The following ULK2 variants were observed in gnomAD, a reference collection of about 807,000 sequenced individuals.
The protein encoded by ULK2 is unc-51 like autophagy activating kinase 2.
In ULK2, 76 loss-of-function variants were observed where a neutral mutation model predicts 127.5. The ratio of observed to expected loss-of-function variants is 0.60; its 90% CI spans 0.50 to 0.72. The LOEUF (loss-of-function observed/expected upper bound fraction) is 0.72, where lower values mean the gene tolerates loss of function less well. Ranked by LOEUF, ULK2 falls within the 30% of genes least tolerant of loss-of-function variation. The pLI is 0.00. For synonymous variants in ULK2, 452 were observed against 461.9 expected (o/e 0.98, Z 0.28); for missense variants, 1,144 against 1,295.9 (o/e 0.88, Z 1.80).
intron 20 of ULK2, among the ~76,000 whole-genome samples, chr17:19,793,837 C>T (rs1323444928): frequency 1.3e-5 from 2 of 152,284 alleles, no homozygotes; most frequent in African/African-American, 4.8e-5. Context: ...GGCAAAAGTA[C>T]AGTTTGAAAA....
At chr17:19,850,593 G>C (rs940003914) in intron 3 of ULK2, among the ~76,000 whole-genome samples, 18 of 152,034 alleles carry the variant, frequency 1.2e-4, no homozygotes, top group Non-Finnish European at 2.6e-4. Context: ...TTGGGAGGCC[G>C]AGGCAGGCGG....
intron 13 of ULK2, among the ~76,000 whole-genome samples, chr17:19,815,005 T>A (rs1383755596): frequency 6.6e-6 from 1 of 152,154 alleles, no homozygotes; most frequent in South Asian, 2.1e-4. Context: ...AATGCAAAAA[T>A]CTAAAATCTG....
intron 3 of ULK2, among the ~76,000 whole-genome samples, chr17:19,851,800 C>G (rs2042021933): frequency 6.6e-6 from 1 of 151,718 alleles, no homozygotes; most frequent in Non-Finnish European, 1.5e-5. Context: ...CAAGGCGGGT[C>G]GGATTACAAC....
intron 5 of ULK2, 89 bp from the exon 6 acceptor site, chr17:19,846,999 G>A: frequency 2.4e-6 from 3 of 1,238,248 alleles, no homozygotes; most frequent in Non-Finnish European, 3.3e-6. Flanking sequence ...TTGTGAAGGA[G>A]AGCATGAAGG....
chr17:19,804,247 A>AC (rs398119747), intron 15 of ULK2, among the ~76,000 whole-genome samples: 12 of 151,388 alleles, frequency 7.9e-5, no homozygotes, highest in African/African-American at 2.9e-4. Flanking sequence ...AAAAAAAAAA[A>AC]GAATAATCTA....
rs1331434851 is a variant in ULK2 at position 19,852,759 on chromosome 17, T to C, written c.226-2985A>G. Among the ~76,000 whole-genome samples the C allele has an allele frequency of 4.6e-5, 7 of 150,548 alleles. No homozygotes were observed. The East Asian group carries it at 1.4e-3, about 31-fold the overall frequency. ...CATTCTCCTGCCTCAGTCTCCCGAG[T>C]AGCTGGGACTACAGGCACCCGCCAC... On this transcript the variant is annotated intron_variant, in intron 3 of 26. Coordinates refer to ENST00000395544, the MANE Select transcript of ULK2 (RefSeq NM_014683.4).
chr17:19,816,849 T>A lies in ULK2; in HGVS notation c.996A>T (p.Leu332=). The A allele has an allele frequency of 6.2e-7, 1 of 1,612,790 alleles. No individual in the cohort carries two copies. Among genetic ancestry groups the A allele is most frequent in the Non-Finnish European group, 8.5e-7 (1 of 1,179,588 alleles). The part of the protein sequence containing the change: ...SSPPLGPPNY[L]QVSKDSASTS... ...TACTGGCAGAATCTTTGGAAACTTGTAGATAGTTGGGAGGACCCAATGGTG... is the reference window on the plus strand; with the variant it reads ...TACTGGCAGAATCTTTGGAAACTTGAAGATAGTTGGGAGGACCCAATGGTG... The change falls in exon 13 of 27, where the codon CTA becomes CTT. Residue 332 remains leucine, a synonymous_variant. Coordinates refer to ENST00000395544, the MANE Select transcript of ULK2 (RefSeq NM_014683.4).
At chr17:19,776,498 T>C in intron 26 of ULK2, 91 bp from the exon 27 acceptor site, 6 of 1,149,404 alleles carry the variant, frequency 5.2e-6, no homozygotes, top group Non-Finnish European at 7.3e-6. Context: ...TTAACAGTTC[T>C]GAATATGTTT....
At chr17:19,795,449 A>T (rs553480477) in intron 20 of ULK2, among the ~76,000 whole-genome samples, 173 bp downstream of exon 20, 1 of 151,544 alleles carries the variant, frequency 6.6e-6, no homozygotes, top group African/African-American at 2.4e-5. Context: ...CCTATTCTGA[A>T]TGGGCTACTG....
At position 19,797,305 on chromosome 17, in the gene ULK2, A is replaced by C. The variant is rs1261812135; in HGVS notation, c.1809+91T>G. 4 of 1,372,516 alleles carry C rather than the reference A, an allele frequency of 2.9e-6. No individual in the cohort carries two copies. In the African/African-American group the frequency reaches 6.0e-5, roughly 20 times the overall value. The allele number at this position is 1,372,516 out of a possible 1,614,324, so 85.0% of individuals were successfully genotyped here. On this transcript the variant is annotated intron_variant, in intron 18 of 26. Coordinates refer to ENST00000395544, the MANE Select transcript of ULK2 (RefSeq NM_014683.4). The stretch of plus-strand genomic sequence containing the variant: ...AAGCAAGACTCTGTCTCAAAAAATA[A>C]AATAAAAAAATTATAGCTATTCTCA...
chr17:19,788,008 C>T (rs1049921647), intron 20 of ULK2, among the ~76,000 whole-genome samples: 1 of 152,198 alleles, frequency 6.6e-6, no homozygotes, highest in Admixed American at 6.5e-5. Flanking sequence ...TGTCCGCCCA[C>T]GGAGGGAGCA....
At chr17:19,826,303 A>C in intron 10 of ULK2, 117 bp from the exon 11 acceptor site, 1 of 485,710 alleles carries the variant, frequency 2.1e-6, no homozygotes, top group Non-Finnish European at 3.7e-6. Flanking sequence ...TAACTTCTTT[A>C]TATAGGCTCC....
At position 19,780,388 on chromosome 17, in the gene ULK2, G is replaced by C. The variant is rs1333025936; in HGVS notation, c.2916+84C>G. 3.2e-6 allele frequency: 4 copies of C among 1,251,172 alleles called. No individual in the cohort carries two copies. In the Admixed American group the frequency reaches 8.1e-5, roughly 25 times the overall value. 77.5% of individuals were successfully genotyped at this position (1,251,172 alleles called of 1,614,324 possible). A position where few individuals can be genotyped will look rare whatever the true frequency, so the allele number is the denominator to read the frequency against. On this transcript the variant is annotated intron_variant, in intron 25 of 26. Coordinates refer to ENST00000395544, the MANE Select transcript of ULK2 (RefSeq NM_014683.4). ...GGACTTGAGACATTATCTTTTAAAAGGATAGCTGTCATATAGATATTCAAT... is the reference window on the plus strand; with the variant it reads ...GGACTTGAGACATTATCTTTTAAAACGATAGCTGTCATATAGATATTCAAT...
At chr17:19,777,771 T>A in intron 25 of ULK2, 55 bp from the exon 26 acceptor site, 3 of 1,565,742 alleles carry the variant, frequency 1.9e-6, no homozygotes, top group Non-Finnish European at 2.6e-6. Flanking sequence ...AAAATACAAA[T>A]CCATTTGGGC....
At chr17:19,805,406 C>T (rs907718192) in intron 14 of ULK2, among the ~76,000 whole-genome samples, 23 of 152,230 alleles carry the variant, frequency 1.5e-4, no homozygotes, top group African/African-American at 5.3e-4. Flanking sequence ...AATAGAATGT[C>T]CTTATACCAC....
At chr17:19,832,697 C>A (rs1177689214) in intron 10 of ULK2, among the ~76,000 whole-genome samples, 3 of 152,000 alleles carry the variant, frequency 2.0e-5, no homozygotes, top group Non-Finnish European at 4.4e-5. Flanking sequence ...AAGGGGTGAC[C>A]CCTAGGAAAC....
At chr17:19,843,338 CCT>C (rs2041808451) in intron 7 of ULK2, 116 bp from the exon 8 acceptor site, 1 of 589,676 alleles carries the variant, frequency 1.7e-6, no homozygotes, top group African/African-American at 1.9e-5. Context: ...AAAACAACAC[CCT>C]GTGATAGTTC....
intron 20 of ULK2, among the ~76,000 whole-genome samples, chr17:19,795,010 C>T (rs575181276): frequency 1.3e-5 from 2 of 151,964 alleles, no homozygotes; most frequent in South Asian, 2.1e-4. Flanking sequence ...ACCCGGGAGG[C>T]GGAGCTTGCA....
intron 10 of ULK2, among the ~76,000 whole-genome samples, chr17:19,833,384 CAG>C (rs1445906835): frequency 6.7e-6 from 1 of 148,640 alleles, no homozygotes; most frequent in Non-Finnish European, 1.5e-5. Context: ...TTTTTTGAGA[CAG>C]AGTCTCGCTC....
Sources: allele counts gnomAD v4.1 joint callset (sites outside exome capture counted in the v4.1 genomes callset), GRCh38; gene constraint gnomAD v4.1.1; transcripts MANE v1.5; gene names NCBI Gene and HGNC (gene_info 2026-07-23, HGNC 2026-07-21).